Variants in SPECC1 observed in about 807,000 individuals in gnomAD.
The protein encoded by SPECC1 is sperm antigen with calponin homology and coiled-coil domains 1.
SPECC1 carries 62 observed loss-of-function variants against 104.1 expected under a neutral mutation model. The ratio of observed to expected loss-of-function variants is 0.60; its 90% CI spans 0.49 to 0.74. The LOEUF (loss-of-function observed/expected upper bound fraction) is 0.74. SPECC1 is among the 30% of genes least tolerant of loss of function. The probability of loss-of-function intolerance (pLI) is 0.00; values close to 1 mark genes in which losing one functional copy is unlikely to be tolerated. For missense variants in SPECC1, 1,306 were observed against 1,310.5 expected (o/e 1.00, Z 0.05); for synonymous variants, 513 against 501.6 (o/e 1.02, Z -0.30).
chr17:20,222,853 T>C (rs972421254), intron 4 of SPECC1, among the ~76,000 whole-genome samples: 1 of 152,208 alleles, frequency 6.6e-6, no homozygotes, highest in African/African-American at 2.4e-5. Context: ...TTCTCTGTCA[T>C]GTTTGACATT....
chr17:20,071,454 A>G (rs2046551094), intron 1 of SPECC1, among the ~76,000 whole-genome samples: 1 of 152,150 alleles, frequency 6.6e-6, no homozygotes, highest in Non-Finnish European at 1.5e-5. Flanking sequence ...TCTGTAGAGA[A>G]TAATCAATTA....
intron 3 of SPECC1, among the ~76,000 whole-genome samples, chr17:20,131,215 G>C (rs569027551): frequency 2.6e-5 from 4 of 151,986 alleles, no homozygotes; most frequent in Non-Finnish European, 5.9e-5. Flanking sequence ...CTTTTGAGTC[G>C]TTTTCTTCCT....
At chr17:20,257,403 CA>C in intron 10 of SPECC1, 47 bp from the exon 11 acceptor site, 1 of 1,529,114 alleles carries the variant, frequency 6.5e-7, no homozygotes, top group Non-Finnish European at 8.8e-7. Context: ...TGATGGCAGT[CA>C]AGAGCTGCTT....
intron 7 of SPECC1, among the ~76,000 whole-genome samples, chr17:20,244,152 C>T (rs2039323413): frequency 6.6e-6 from 1 of 152,112 alleles, no homozygotes; most frequent in African/African-American, 2.4e-5. Flanking sequence ...TCGCTTGAAC[C>T]TGGGAGGTAG....
At chr17:20,262,693 T>G (rs1331953663) in intron 12 of SPECC1, among the ~76,000 whole-genome samples, 1 of 151,530 alleles carries the variant, frequency 6.6e-6, no homozygotes, top group Non-Finnish European at 1.5e-5. Context: ...TTGAGGGAGG[T>G]GGGGATGGAA....
intron 1 of SPECC1, chr17:20,017,939 T>G (rs2044212677): frequency 7.5e-6 from 1 of 133,224 alleles, no homozygotes; most frequent in East Asian, 2.3e-4. Flanking sequence ...TGATTCTTTA[T>G]GTGTTCATCT....
At chr17:20,116,620 A>G (rs1018534464) in intron 3 of SPECC1, among the ~76,000 whole-genome samples, 1 of 152,068 alleles carries the variant, frequency 6.6e-6, no homozygotes, top group Non-Finnish European at 1.5e-5. Flanking sequence ...TTAGTACAAG[A>G]TATAAAATGT....
intron 3 of SPECC1, among the ~76,000 whole-genome samples, chr17:20,140,668 C>T (rs1452154362): frequency 1.3e-5 from 2 of 152,210 alleles, no homozygotes; most frequent in Non-Finnish European, 2.9e-5. Context: ...AGGAGACTAC[C>T]AGCCAAAAGT....
At chr17:20,256,329 A>T (rs1342303094) in intron 10 of SPECC1, among the ~76,000 whole-genome samples, 1 of 152,146 alleles carries the variant, frequency 6.6e-6, no homozygotes, top group Non-Finnish European at 1.5e-5. Context: ...TATTACAGCA[A>T]AGGATTACAG....
At chr17:20,196,103 T>C (rs897742252) in intron 3 of SPECC1, among the ~76,000 whole-genome samples, 1 of 152,230 alleles carries the variant, frequency 6.6e-6, no homozygotes, top group Non-Finnish European at 1.5e-5. Context: ...TGTTCAAACC[T>C]TTAGCTTTAT....
At chr17:20,203,811 G>T (rs1264894379) in intron 3 of SPECC1, among the ~76,000 whole-genome samples, 4 of 152,192 alleles carry the variant, frequency 2.6e-5, no homozygotes, top group Non-Finnish European at 4.4e-5. Context: ...TATAGGAAGG[G>T]TATTTACTGG....
At chr17:20,182,840 C>T (rs1014582733) in intron 3 of SPECC1, among the ~76,000 whole-genome samples, 4 of 152,122 alleles carry the variant, frequency 2.6e-5, no homozygotes, top group African/African-American at 7.2e-5. Context: ...ATGCTTCATC[C>T]GCTTGGCCAG....
chr17:20,012,088 A>G (rs867175204), intron 1 of SPECC1, among the ~76,000 whole-genome samples: 2 of 151,922 alleles, frequency 1.3e-5, no homozygotes, highest in Non-Finnish European at 2.9e-5. Context: ...TTATTTTTGT[A>G]TTTTTTTATA....
At chr17:20,011,610 A>AT (rs1294587269) in intron 1 of SPECC1, among the ~76,000 whole-genome samples, 12 of 151,706 alleles carry the variant, frequency 7.9e-5, no homozygotes, top group Non-Finnish European at 1.3e-4. Flanking sequence ...AATTCTATTG[A>AT]TTTTTTATTT....
intron 3 of SPECC1, among the ~76,000 whole-genome samples, chr17:20,172,568 G>A (rs539745014): frequency 1.3e-5 from 2 of 152,142 alleles, no homozygotes; most frequent in South Asian, 2.1e-4. Context: ...ACAAATTCAG[G>A]CTTCTTTCTA....
chr17:20,129,880 A>G (rs1472542820), intron 3 of SPECC1, among the ~76,000 whole-genome samples: 2 of 152,138 alleles, frequency 1.3e-5, no homozygotes, highest in East Asian at 1.9e-4. Context: ...CAGCCTCCCA[A>G]GAAGCTGGGA....
chr17:20,127,437 C>CTTTTTTTTTT (rs369424296), intron 3 of SPECC1, among the ~76,000 whole-genome samples: 1 of 104,488 alleles, frequency 9.6e-6, no homozygotes, highest in Non-Finnish European at 1.9e-5. Flanking sequence ...ATCAGGTCAT[C>CTTTTTTTTTT]TTTTTTTTTT....
At chr17:20,300,736 G>T (rs567128098) in intron 13 of SPECC1, among the ~76,000 whole-genome samples, 60 of 152,372 alleles carry the variant, frequency 3.9e-4, no homozygotes, top group African/African-American at 1.4e-3. Context: ...TGCAGTGGGG[G>T]CAGGCTGAGG....
At chr17:20,189,536 A>G (rs962298440) in intron 3 of SPECC1, among the ~76,000 whole-genome samples, 5 of 152,168 alleles carry the variant, frequency 3.3e-5, no homozygotes, top group Non-Finnish European at 4.4e-5. Flanking sequence ...GCTAGAAGCT[A>G]GTCAGACCAT....
Sources: allele counts gnomAD v4.1 joint callset (sites outside exome capture counted in the v4.1 genomes callset), GRCh38; gene constraint gnomAD v4.1.1; transcripts MANE v1.5; gene names NCBI Gene and HGNC (gene_info 2026-07-23, HGNC 2026-07-21).